Variants in PHEX observed in about 807,000 individuals in gnomAD.
The protein encoded by PHEX is phosphate-regulating neutral endopeptidase PHEX.
Under a neutral mutation model 68.0 loss-of-function variants are expected in PHEX, and 16 were observed. The ratio of observed to expected loss-of-function variants is 0.24; its 90% CI spans 0.16 to 0.36. The LOEUF (loss-of-function observed/expected upper bound fraction) is 0.36. Among genes scored for constraint, PHEX ranks in the 10% least tolerant of loss-of-function variants. The pLI, the probability that PHEX is intolerant of heterozygous loss-of-function variation, is 1.00. For synonymous variants in PHEX, 208 were observed against 205.1 expected (o/e 1.01, Z -0.12); for missense variants, 480 against 575.5 (o/e 0.83, Z 1.70).
At position 22,038,535 on chromosome X, in the gene PHEX, C is replaced by A; in HGVS notation, c.185C>A (p.Ala62Glu). 8.6e-7 allele frequency: 1 copy of A among 1,164,734 alleles called. No homozygotes were observed. Among genetic ancestry groups the A allele is most frequent in the Non-Finnish European group, 1.2e-6 (1 of 852,923 alleles). Residue 62 changes from alanine (A) to glutamate (E), a missense_variant and splice_region_variant, in exon 2 of 22, where the codon GCG (alanine) becomes GAG (glutamate). Coordinates refer to ENST00000379374, the MANE Select transcript of PHEX (RefSeq NM_000444.6). ...EYCLKPECIEAAAAILSKVNL... is the reference protein window; with the variant it reads ...EYCLKPECIEEAAAILSKVNL... The stretch of plus-strand genomic sequence containing the variant: ...TGCCTGAAGCCAGAATGCATCGAAG[C>A]GGGTAAGTCACAGTTTTCCATCCTG...
At chrX:22,100,417 A>G (rs765576966) in intron 9 of PHEX, among the ~76,000 whole-genome samples, 1 of 112,238 alleles carries the variant, frequency 8.9e-6, no homozygotes, top group African/African-American at 3.2e-5. Flanking sequence ...GCTCTCAAAT[A>G]CTATAAAATA....
At chrX:22,136,968 C>G (rs1481628516) in intron 12 of PHEX, among the ~76,000 whole-genome samples, 4 of 112,137 alleles carry the variant, frequency 3.6e-5, no homozygotes, top group Non-Finnish European at 7.5e-5. Context: ...TTAGGATTCT[C>G]TGTTCCCTGC....
At chrX:22,107,316 C>T (rs1930744587) in intron 9 of PHEX, among the ~76,000 whole-genome samples, 1 of 112,126 alleles carries the variant, frequency 8.9e-6, no homozygotes, top group South Asian at 3.7e-4. Flanking sequence ...GGCTCATCAC[C>T]ACCCCTTTGA....
intron 3 of PHEX, among the ~76,000 whole-genome samples, chrX:22,075,071 T>C (rs759580560): frequency 1.9e-4 from 8 of 41,865 alleles, no homozygotes; most frequent in African/African-American, 1.1e-3. Flanking sequence ...AGTGATACTC[T>C]GTTTCAAAAA....
chrX:22,185,621 A>C (rs1242087257), intron 14 of PHEX, among the ~76,000 whole-genome samples: 1 of 111,630 alleles, frequency 9.0e-6, no homozygotes, highest in East Asian at 2.8e-4. Flanking sequence ...TGGATAGCCA[A>C]CTTTTCAGCA....
In PHEX at chrX:22,248,181, A is replaced by G. The variant is rs1936448881; in HGVS notation, c.*228A>G. The G allele has an allele frequency of 2.4e-6, 1 of 410,242 alleles. No homozygotes were observed. Among genetic ancestry groups the G allele is most frequent in the African/African-American group, 2.5e-5 (1 of 40,101 alleles). 33.8% of individuals were successfully genotyped at this position (410,242 alleles called of 1,213,427 possible). A position where few individuals can be genotyped will look rare whatever the true frequency, so the allele number is the denominator to read the frequency against. On this transcript the variant is annotated 3_prime_UTR_variant, in exon 22 of 22. Transcript: ENST00000379374. ...GTATGTTTCTTTAGAAAATCAAACC[A>G]ACAAAAATAAATCCCTAGGCTACTT... is the stretch of plus-strand genomic sequence containing the variant.
chrX:22,162,219 A>AT (rs1933156346), intron 12 of PHEX, among the ~76,000 whole-genome samples: 1 of 112,168 alleles, frequency 8.9e-6, no homozygotes, highest in African/African-American at 3.2e-5. Context: ...TTTGACTCAT[A>AT]TGCAGAGTCT....
At chrX:22,060,903 G>A (rs1283253971) in intron 3 of PHEX, among the ~76,000 whole-genome samples, 1 of 111,729 alleles carries the variant, frequency 9.0e-6, no homozygotes, top group South Asian at 3.7e-4. Flanking sequence ...TGTTCAGAAG[G>A]ATTGCATATT....
At chrX:22,129,383 C>G (rs991813934) in intron 11 of PHEX, among the ~76,000 whole-genome samples, 1 of 111,947 alleles carries the variant, frequency 8.9e-6, no homozygotes, top group Non-Finnish European at 1.9e-5. Flanking sequence ...ACTTCTCTTC[C>G]TAGTAATATG....
At chrX:22,164,542 C>G (rs1051631962) in intron 12 of PHEX, among the ~76,000 whole-genome samples, 1 of 111,611 alleles carries the variant, frequency 9.0e-6, no homozygotes, top group African/African-American at 3.3e-5. Context: ...GTGGGGGTCC[C>G]AGAGATGAGG....
At chrX:22,187,813 T>A (rs149795821) in intron 14 of PHEX, among the ~76,000 whole-genome samples, 5,578 of 111,636 alleles carry the variant, frequency 0.05, 130 homozygotes, top group Middle Eastern at 0.078. Context: ...TAGGTTTCGG[T>A]TTTGAAGAGA....
chrX:22,046,102 G>T (rs1356374125), intron 2 of PHEX, among the ~76,000 whole-genome samples: 1 of 111,458 alleles, frequency 9.0e-6, no homozygotes, highest in Admixed American at 9.6e-5. Context: ...ACTGCATTCA[G>T]CTAGATGGGC....
intron 3 of PHEX, among the ~76,000 whole-genome samples, chrX:22,068,145 C>T (rs1928699582): frequency 1.8e-5 from 2 of 111,383 alleles, no homozygotes; most frequent in Admixed American, 1.9e-4. Flanking sequence ...GCCTAACAAG[C>T]TCTCTTTATT....
chrX:22,062,346 A>G (rs1370691498), intron 3 of PHEX, among the ~76,000 whole-genome samples: 1 of 111,745 alleles, frequency 8.9e-6, no homozygotes, highest in East Asian at 2.8e-4. Flanking sequence ...CACAAATGCA[A>G]GTCACATGTG....
Position 22,077,710 on chromosome X carries a change from G to A in PHEX, c.663+8G>A, listed in dbSNP as rs763608782. The A allele has an allele frequency of 8.7e-5, 101 of 1,161,334 alleles. 1 individual carries two copies. In the South Asian group the frequency reaches 1.7e-3, roughly 19 times the overall value. On this transcript the variant is annotated splice_region_variant and intron_variant, in intron 5 of 21. Transcript: ENST00000379374. Reference sequence around the variant, plus strand: ...AATGAACATATCTTGAAGGTATAATGAGGACCCATTCATCTTCTTTGCTCA... The same window carrying A: ...AATGAACATATCTTGAAGGTATAATAAGGACCCATTCATCTTCTTTGCTCA...
In PHEX at chrX:22,088,151, C is replaced by G. The variant is rs185031503; in HGVS notation, c.664-2278C>G. Among the ~76,000 whole-genome samples the G allele has an allele frequency of 2.1e-4, 23 of 111,891 alleles. No homozygotes were observed. The East Asian group carries it at 2.5e-3, about 12-fold the overall frequency. ...TTTTTCAGGATGTAAGTAAAATTCACCCATGTTGTATCAGTTCATTCTCTT... is the reference window on the plus strand; with the variant it reads ...TTTTTCAGGATGTAAGTAAAATTCAGCCATGTTGTATCAGTTCATTCTCTT... On this transcript the variant is annotated intron_variant, in intron 5 of 21. Coordinates refer to ENST00000379374, the MANE Select transcript of PHEX (RefSeq NM_000444.6).
chrX:22,243,222 C>T (rs753990473), intron 20 of PHEX, among the ~76,000 whole-genome samples: 9 of 111,482 alleles, frequency 8.1e-5, no homozygotes, highest in South Asian at 3.8e-4. Flanking sequence ...AAAACTGGCT[C>T]GCCATATGCA....
chrX:22,073,650 T>TG (rs1929012444), intron 3 of PHEX, among the ~76,000 whole-genome samples: 2 of 97,349 alleles, frequency 2.1e-5, no homozygotes, highest in East Asian at 3.2e-4. Context: ...TTTTTTTTTT[T>TG]TTTTTTTTTT....
chrX:22,116,135 T>G (rs1334321668), intron 11 of PHEX, among the ~76,000 whole-genome samples: 1 of 111,993 alleles, frequency 8.9e-6, no homozygotes, highest in Non-Finnish European at 1.9e-5. Context: ...CTCTTAAATT[T>G]TTGATCATAG....
Sources: allele counts gnomAD v4.1 joint callset (sites outside exome capture counted in the v4.1 genomes callset), GRCh38; gene constraint gnomAD v4.1.1; transcripts MANE v1.5; gene names NCBI Gene and HGNC (gene_info 2026-07-23, HGNC 2026-07-21).